SLC38A7: variants seen among roughly 807,000 people sequenced by gnomAD.
SLC38A7 encodes solute carrier family 38 member 7, also known as sodium-coupled neutral amino acid transporter 7.
In SLC38A7, 29 loss-of-function variants were observed where a neutral mutation model predicts 50.1. The ratio of observed to expected loss-of-function variants is 0.58; its 90% CI spans 0.43 to 0.79. The LOEUF is 0.79. SLC38A7 is among the 30% of genes least tolerant of loss of function. The probability of loss-of-function intolerance (pLI) is 0.00; values close to 1 mark genes in which losing one functional copy is unlikely to be tolerated. For missense variants in SLC38A7, 483 were observed against 610.6 expected (o/e 0.79, Z 2.20); for synonymous variants, 244 against 245.9 (o/e 0.99, Z 0.07).
rs750193788 is a variant in SLC38A7 at position 58,671,208 on chromosome 16, C to A, written c.1068G>T (p.Gly356=). The part of the protein sequence containing the change: ...VVEGLWLRYQ[G]VPVEEDVGRE... ...GCCCCACGTCCTCCTCCACTGGCAC[C>A]CCCTGGTAGCGCAGCCACAGGCCTT... Residue 356 remains glycine, a synonymous_variant, in exon 10 of 12, where the codon GGG becomes GGT. Transcript: ENST00000219320. 15 of 1,613,914 alleles carry A rather than the reference C, an allele frequency of 9.3e-6. No individual in the cohort carries two copies. Among genetic ancestry groups the A allele is most frequent in the Non-Finnish European group, 1.3e-5 (15 of 1,179,894 alleles).
chr16:58,671,351 A>G (rs945741957), intron 9 of SLC38A7, 107 bp from the exon 10 acceptor site: 81 of 1,099,996 alleles, frequency 7.4e-5, no homozygotes, highest in Middle Eastern at 5.8e-4. Flanking sequence ...GGAAAGCCCC[A>G]TTCCTGACCC....
At chr16:58,670,607 G>C (rs1244147912) in intron 10 of SLC38A7, among the ~76,000 whole-genome samples, 3 of 152,234 alleles carry the variant, frequency 2.0e-5, no homozygotes, top group Non-Finnish European at 4.4e-5. Context: ...ATCTGTGTCT[G>C]GAACCCAGGT....
Position 58,684,731 on chromosome 16 carries a change from T to C in SLC38A7, c.-354A>G, listed in dbSNP as rs536805916. 6.6e-6 allele frequency: 1 copy of C among 152,358 alleles called. No homozygotes were observed. Among genetic ancestry groups the C allele is most frequent in the East Asian group, 1.9e-4 (1 of 5,158 alleles). 9.4% of individuals were successfully genotyped at this position (152,358 alleles called of 1,614,324 possible). A position where few individuals can be genotyped will look rare whatever the true frequency, so the allele number is the denominator to read the frequency against. ...CGGCCACCTACCTTGGGGGATTCTTTCCCGAGCCGGCTGCGGAGACACGTG... is the reference window on the plus strand; with the variant it reads ...CGGCCACCTACCTTGGGGGATTCTTCCCCGAGCCGGCTGCGGAGACACGTG... On this transcript the variant is annotated 5_prime_UTR_variant, in exon 1 of 12. Coordinates refer to ENST00000219320, the MANE Select transcript of SLC38A7 (RefSeq NM_018231.3).
rs766114265 is a variant in SLC38A7 at position 58,667,303 on chromosome 16, G to A, written c.*82C>T. On this transcript the variant is annotated 3_prime_UTR_variant, in exon 12 of 12. Transcript: ENST00000219320. The stretch of plus-strand genomic sequence containing the variant: ...TCATCCCACCAGTTGGAATGATCGT[G>A]GACTAAGAATGGCCCCATAGCTCTA... 2.3e-5 allele frequency: 32 copies of A among 1,394,266 alleles called. No individual in the cohort carries two copies. Among genetic ancestry groups the A allele is most frequent in the Non-Finnish European group, 3.2e-5 (32 of 985,132 alleles). 86.4% of individuals were successfully genotyped at this position (1,394,266 alleles called of 1,614,324 possible). A position where few individuals can be genotyped will look rare whatever the true frequency, so the allele number is the denominator to read the frequency against.
At chr16:58,677,870 G>C (rs2044302737) in intron 5 of SLC38A7, among the ~76,000 whole-genome samples, 1 of 152,024 alleles carries the variant, frequency 6.6e-6, no homozygotes, top group East Asian at 1.9e-4. Flanking sequence ...GGAGAGAGCG[G>C]AGCATGGCCC....
chr16:58,671,195 C>T lies in SLC38A7; in HGVS notation c.1081G>A (p.Glu361Lys). ...CGCCGCCGCTCCCGCCCCACGTCCT[C>T]CTCCACTGGCACCCCCTGGTAGCGC... ...WLRYQGVPVE[E>K]DVGRERRRRV... Residue 361 changes from glutamate (E) to lysine (K), a missense_variant, in exon 10 of 12, where the codon GAG (glutamate) becomes AAG (lysine). By Grantham distance (56) the Glu-to-Lys change is moderately conservative. Transcript: ENST00000219320. 1 of 1,613,994 alleles carries T rather than the reference C, an allele frequency of 6.2e-7. No individual in the cohort carries two copies. Among genetic ancestry groups the T allele is most frequent in the Non-Finnish European group, 8.5e-7 (1 of 1,179,936 alleles).
At chr16:58,680,655 G>T (rs2044370333) in intron 2 of SLC38A7, among the ~76,000 whole-genome samples, 1 of 152,156 alleles carries the variant, frequency 6.6e-6, no homozygotes, top group African/African-American at 2.4e-5. Context: ...ATCCAGATCT[G>T]TCTGGCTTCC....
At chr16:58,675,443 A>G in intron 8 of SLC38A7, 1 of 360,970 alleles carries the variant, frequency 2.8e-6, no homozygotes, top group East Asian at 7.7e-5. Context: ...CGACCTCAGC[A>G]GGTTGAGGTT....
At chr16:58,675,887 C>G in intron 8 of SLC38A7, 53 bp downstream of exon 8, 1 of 1,433,506 alleles carries the variant, frequency 7.0e-7, no homozygotes. Context: ...CTAGGGACTC[C>G]TGTGGAAGTG....
intron 2 of SLC38A7, chr16:58,681,265 T>G (rs4784968): frequency 0.15 from 22,986 of 152,104 alleles, 2,008 homozygotes; most frequent in African/African-American, 0.24. Flanking sequence ...CGGTCAGTGG[T>G]GGAGCTGGGA....
At chr16:58,670,877 C>G (rs1434754652) in intron 10 of SLC38A7, among the ~76,000 whole-genome samples, 168 bp downstream of exon 10, 2 of 152,178 alleles carry the variant, frequency 1.3e-5, no homozygotes, top group Non-Finnish European at 2.9e-5. Flanking sequence ...TACCTTCTTT[C>G]CAGGAGATAA....
chr16:58,672,024 C>G (rs1486444242), intron 9 of SLC38A7, 72 bp downstream of exon 9: 2 of 1,436,012 alleles, frequency 1.4e-6, no homozygotes, highest in Admixed American at 2.6e-5. Context: ...GGGGTCCACA[C>G]AAGGCCAAAG....
At chr16:58,677,217 C>T in intron 6 of SLC38A7, 109 bp downstream of exon 6, 1 of 873,596 alleles carries the variant, frequency 1.1e-6, no homozygotes, top group Non-Finnish European at 1.9e-6. Context: ...CTGATGAGCT[C>T]ATGAGCCTTG....
chr16:58,671,292 C>G, intron 9 of SLC38A7, 48 bp from the exon 10 acceptor site: 2 of 1,576,830 alleles, frequency 1.3e-6, no homozygotes, highest in Non-Finnish European at 1.7e-6. Flanking sequence ...GCTAGCAGCT[C>G]CCCACCTCTA....
intron 2 of SLC38A7, among the ~76,000 whole-genome samples, chr16:58,682,987 T>A (rs2044424031): frequency 6.6e-6 from 1 of 151,422 alleles, no homozygotes. Context: ...TCAGGCCAAT[T>A]CTCAACTCTT....
intron 10 of SLC38A7, among the ~76,000 whole-genome samples, chr16:58,670,444 G>A (rs571601236): frequency 6.6e-6 from 1 of 152,338 alleles, no homozygotes; most frequent in African/African-American, 2.4e-5. Flanking sequence ...AACCCCAGGG[G>A]TCTTCCTAGT....
intron 8 of SLC38A7, among the ~76,000 whole-genome samples, chr16:58,673,926 A>G (rs941802152): frequency 2.0e-5 from 3 of 151,648 alleles, no homozygotes; most frequent in Non-Finnish European, 1.5e-5. Context: ...CCCAGGTTCA[A>G]GTGATTCTCA....
At chr16:58,681,376 C>T (rs920529570) in intron 2 of SLC38A7, 1 of 152,200 alleles carries the variant, frequency 6.6e-6, no homozygotes, top group Non-Finnish European at 1.5e-5. Context: ...ACTCAGATAA[C>T]AGGCTTATCA....
At chr16:58,667,643 G>A (rs1346842155) in intron 11 of SLC38A7, among the ~76,000 whole-genome samples, 156 bp from the exon 12 acceptor site, 3 of 152,086 alleles carry the variant, frequency 2.0e-5, no homozygotes, top group Non-Finnish European at 4.4e-5. Context: ...GGTAGTGTGG[G>A]GCCAGGTGTA....
Sources: allele counts gnomAD v4.1 joint callset (sites outside exome capture counted in the v4.1 genomes callset), GRCh38; gene constraint gnomAD v4.1.1; transcripts MANE v1.5; gene names NCBI Gene and HGNC (gene_info 2026-07-23, HGNC 2026-07-21).